The following SMC6 variants were observed in gnomAD, a reference collection of about 807,000 sequenced individuals.
The protein encoded by SMC6 is structural maintenance of chromosomes 6.
SMC6 carries 79 observed loss-of-function variants against 142.2 expected under a neutral mutation model. The observed-to-expected ratio is 0.56, with a 90% CI of 0.46 to 0.67. The LOEUF is 0.67. Among genes scored for constraint, SMC6 ranks in the 30% least tolerant of loss-of-function variants. SMC6 has a pLI of 0.00. For synonymous variants in SMC6, 411 were observed against 412.4 expected, an observed-to-expected ratio of 1.00 and a Z score of 0.04; for missense variants, 1,072 against 1,284.0, an observed-to-expected ratio of 0.83 and a Z score of 2.52.
At chr2:17,730,134 A>T (rs893050133) in intron 7 of SMC6, among the ~76,000 whole-genome samples, 53 of 152,282 alleles carry the variant, frequency 3.5e-4, no homozygotes, top group African/African-American at 1.3e-3. Flanking sequence ...TTAAGTATAA[A>T]TTTATTTTTT....
chr2:17,701,495 G>C (rs1452216238), intron 20 of SMC6, among the ~76,000 whole-genome samples: 2 of 152,176 alleles, frequency 1.3e-5, no homozygotes, highest in African/African-American at 4.8e-5. Context: ...TGATACTGCT[G>C]AACTCTGAGA....
Position 17,731,802 on chromosome 2 carries a change from T to TA in SMC6, c.419dup (p.Leu141ThrfsTer15). 6.2e-7 allele frequency: 1 copy of TA among 1,613,828 alleles called. No individual in the cohort carries two copies. Among genetic ancestry groups the TA allele is most frequent in the Non-Finnish European group, 8.5e-7 (1 of 1,179,836 alleles). On this transcript the variant is annotated frameshift_variant, in exon 6 of 28. Coordinates refer to ENST00000448223, the MANE Select transcript of SMC6 (RefSeq NM_001142286.2). LOFTEE classifies it high-confidence loss of function. ...CTATGCTGATGTGTTGCTGTATAAG[T>TA]ATAGAGTTACCATACACACTGGCTT...
chr2:17,710,501 T>C (rs1668776077), intron 16 of SMC6, among the ~76,000 whole-genome samples: 1 of 152,116 alleles, frequency 6.6e-6, no homozygotes, highest in Non-Finnish European at 1.5e-5. Context: ...TCAGATGAGT[T>C]CACCTAGGGA....
rs1572254398 is a variant in SMC6 at position 17,678,952 on chromosome 2, T to C, written c.2817A>G (p.Leu939=). The change falls in exon 25 of 28, where the codon TTA becomes TTG. Residue 939 remains leucine (L), a synonymous_variant. Coordinates refer to ENST00000448223, the MANE Select transcript of SMC6 (RefSeq NM_001142286.2). ...AGTTGTCAAAGTATAATTTGCATCG[T>C]AAAGTCAAACACCTTGAAATTTAAA... ...TYQQFRRCLT[L]RCKLYFDNLL... 1 of 1,610,750 alleles carries C rather than the reference T, an allele frequency of 6.2e-7. No homozygotes were observed. The highest frequency in any genetic ancestry group is 2.2e-5 in the East Asian group (1 of 44,780).
intron 5 of SMC6, among the ~76,000 whole-genome samples, chr2:17,736,100 A>C (rs1670139198): frequency 6.6e-6 from 1 of 152,240 alleles, no homozygotes; most frequent in Non-Finnish European, 1.5e-5. Context: ...GACTATAAAA[A>C]CAAGGGAAAT....
rs777144088 is a variant in SMC6, at chr2:17,696,312, C to T, written c.2509G>A (p.Asp837Asn). 1 of 1,593,494 alleles carries T rather than the reference C, an allele frequency of 6.3e-7. No homozygotes were observed. Among genetic ancestry groups the T allele is most frequent in the Non-Finnish European group, 8.5e-7 (1 of 1,173,128 alleles). ...ACCTCTAGTTCTTTCTCTTTCATAT[C>T]CAGTTCTCGTTTCTTTTTATTTAAG... ...DTLNKKKREL[D>N]MKEKELEEKM... is the part of the protein sequence containing the mutation. Residue 837 changes from aspartate (D) to asparagine (N), a missense_variant, in exon 22 of 28, where the codon GAT (aspartate) becomes AAT (asparagine). Transcript: ENST00000448223.
intron 4 of SMC6, among the ~76,000 whole-genome samples, chr2:17,738,577 G>C (rs1021969153): frequency 6.6e-6 from 1 of 152,096 alleles, no homozygotes; most frequent in Non-Finnish European, 1.5e-5. Flanking sequence ...CCACTAAAAA[G>C]AAAATGGTAA....
At chr2:17,702,020 C>T (rs1668293339) in intron 19 of SMC6, 111 bp from the exon 20 acceptor site, 1 of 614,246 alleles carries the variant, frequency 1.6e-6, no homozygotes, top group Non-Finnish European at 2.9e-6. Context: ...AGAAGGATTC[C>T]ATAATTAATG....
intron 20 of SMC6, among the ~76,000 whole-genome samples, chr2:17,700,808 G>T (rs974823085): frequency 6.6e-6 from 1 of 152,096 alleles, no homozygotes; most frequent in South Asian, 2.1e-4. Context: ...GACACGGGTG[G>T]ATCACCTAAG....
In SMC6 at chr2:17,682,324, A is replaced by G. The variant is rs1170875363; in HGVS notation, c.2804+1314T>C. Among the ~76,000 whole-genome samples the G allele has an allele frequency of 2.0e-5, 3 of 152,284 alleles. No homozygotes were observed. In the East Asian group the frequency reaches 5.8e-4, roughly 29 times the overall value. ...GTGACTATCAGGTCATTTGACTAGA[A>G]CTGCCTGCTAGTTCTAGGAAACAAA... On this transcript the variant is annotated intron_variant, in intron 24 of 27. Coordinates refer to ENST00000448223, the MANE Select transcript of SMC6 (RefSeq NM_001142286.2).
intron 5 of SMC6, among the ~76,000 whole-genome samples, chr2:17,736,962 T>C (rs1331929861): frequency 4.6e-5 from 7 of 152,140 alleles, no homozygotes; most frequent in Non-Finnish European, 2.9e-5. Context: ...ATAGAGTTGA[T>C]ACTATTAACT....
intron 15 of SMC6, 77 bp from the exon 16 acceptor site, chr2:17,715,142 G>T: frequency 2.3e-6 from 3 of 1,307,048 alleles, no homozygotes; most frequent in South Asian, 2.6e-5. Flanking sequence ...TTTAATTATA[G>T]CATATAAATG....
intron 16 of SMC6, 55 bp downstream of exon 16, chr2:17,714,806 A>T (rs1668998486): frequency 6.5e-7 from 1 of 1,542,846 alleles, no homozygotes; most frequent in Non-Finnish European, 8.9e-7. Flanking sequence ...AACTCTTTCC[A>T]ATCTTGCATA....
intron 17 of SMC6, among the ~76,000 whole-genome samples, chr2:17,707,857 T>C (rs1668624969): frequency 6.6e-6 from 1 of 151,794 alleles, no homozygotes; most frequent in Non-Finnish European, 1.5e-5. Context: ...AAAAGAAGAT[T>C]AGATTAATTA....
chr2:17,695,340 A>G (rs1667939517), intron 22 of SMC6, 43 bp from the exon 23 acceptor site: 2 of 1,561,298 alleles, frequency 1.3e-6, no homozygotes, highest in Non-Finnish European at 1.7e-6. Context: ...CTTCTTTGAT[A>G]TAACAATTCA....
intron 10 of SMC6, 32 bp downstream of exon 10, chr2:17,721,110 G>C (rs771108237): frequency 1.2e-6 from 2 of 1,611,064 alleles, no homozygotes; most frequent in Non-Finnish European, 1.7e-6. Flanking sequence ...ATATCACATA[G>C]ATACGTGAAC....
At chr2:17,699,280 C>T (rs1390651048) in intron 21 of SMC6, among the ~76,000 whole-genome samples, 1 of 151,994 alleles carries the variant, frequency 6.6e-6, no homozygotes, top group African/African-American at 2.4e-5. Flanking sequence ...GAAAAATGTG[C>T]CACTTCCATC....
chr2:17,688,855 A>G (rs1019779107), intron 23 of SMC6, among the ~76,000 whole-genome samples: 2 of 152,210 alleles, frequency 1.3e-5, no homozygotes, highest in East Asian at 1.9e-4. Context: ...TAAATTGGAG[A>G]TAACATAGGC....
At chr2:17,720,244 G>C (rs1056351185) in intron 11 of SMC6, among the ~76,000 whole-genome samples, 1 of 152,206 alleles carries the variant, frequency 6.6e-6, no homozygotes, top group South Asian at 2.1e-4. Context: ...TCTGCTGAAT[G>C]TTAAAGGGTC....
Sources: gnomAD v4.1 joint callset for allele counts (sites outside exome capture counted in the v4.1 genomes callset) on GRCh38, gnomAD v4.1.1 for gene constraint, MANE v1.5 for transcripts, NCBI Gene and HGNC (gene_info 2026-07-23, HGNC 2026-07-21) for gene names.